Variants in MICAL3 observed in about 807,000 individuals in gnomAD.
The protein encoded by MICAL3 is [F-actin]-monooxygenase MICAL3.
In MICAL3, 62 loss-of-function variants were observed where a neutral mutation model predicts 207.4. That is an observed-to-expected ratio of 0.30 (90% CI 0.24 to 0.37). The LOEUF is 0.37. Ranked by LOEUF, MICAL3 falls within the 10% of genes least tolerant of loss-of-function variation. The pLI, the probability that MICAL3 is intolerant of heterozygous loss-of-function variation, is 1.00. For missense variants in MICAL3, 2,368 were observed against 2,635.6 expected (o/e 0.90, Z 2.22); for synonymous variants, 1,077 against 1,069.3 (o/e 1.01, Z -0.14).
At chr22:17,812,487 TGACAGGAACGA>T in intron 27 of MICAL3, 18 of 985,326 alleles carry the variant, frequency 1.8e-5, no homozygotes, top group Non-Finnish European at 2.2e-5. Context: ...GGTGACCAGC[TGACAGGAACGA>T]GACACTACCT....
At chr22:17,911,920 CG>C (rs1569130128) in intron 1 of MICAL3, among the ~76,000 whole-genome samples, 1 of 90,282 alleles carries the variant, frequency 1.1e-5, no homozygotes, top group African/African-American at 1.3e-4. Context: ...CAACATGCCT[CG>C]GGCTCCTGAT....
chr22:17,839,588 T>A (rs914180586), intron 20 of MICAL3: 2 of 145,304 alleles, frequency 1.4e-5, no homozygotes, highest in Non-Finnish European at 3.0e-5. Context: ...TTTTTTAAGA[T>A]GCAGTTTCGC....
chr22:17,883,897 C>T (rs1929639282), intron 16 of MICAL3, among the ~76,000 whole-genome samples: 1 of 152,182 alleles, frequency 6.6e-6, no homozygotes, highest in Non-Finnish European at 1.5e-5. Flanking sequence ...TCAGGCCTGA[C>T]ATACTCAGAA....
chr22:17,889,672 C>A (rs745632986), intron 12 of MICAL3, among the ~76,000 whole-genome samples: 1 of 151,978 alleles, frequency 6.6e-6, no homozygotes, highest in Admixed American at 6.6e-5. Flanking sequence ...CTAGGCATGG[C>A]GGCATATGCC....
chr22:17,887,177 G>A lies in MICAL3; in HGVS notation c.2060C>T (p.Ser687Leu). 10 of 1,613,378 alleles carry A rather than the reference G, an allele frequency of 6.2e-6. No individual in the cohort carries two copies. The highest frequency in any genetic ancestry group is 8.5e-6 in the Non-Finnish European group (10 of 1,179,534). Reference sequence around the variant, plus strand: ...TCCCCAAGTGAATCTCACCTCCTCTGATTGACTGGTCTTTCTCCTCTTCCC... The same window carrying A: ...TCCCCAAGTGAATCTCACCTCCTCTAATTGACTGGTCTTTCTCCTCTTCCC... ...GAGKRRKTSQ[S>L]EEEEAPRGHR... The change falls in exon 15 of 32, where the codon TCA becomes TTA. Residue 687 changes from serine to leucine, a missense_variant. By Grantham distance (145) the Ser-to-Leu change is moderately radical. Around this residue, in one of 4 missense-constraint regions of MICAL3, gnomAD observed 1,770 missense variants for 1,863.2 expected, o/e 0.95. Coordinates refer to ENST00000441493, the MANE Select transcript of MICAL3 (RefSeq NM_015241.3).
chr22:17,794,362 C>A (rs781684624), intron 29 of MICAL3, among the ~76,000 whole-genome samples: 47 of 152,242 alleles, frequency 3.1e-4, no homozygotes, highest in Non-Finnish European at 4.4e-4. Flanking sequence ...CCCAGACCCA[C>A]GTGGAATCCT....
chr22:17,827,960 T>C (rs537738726), intron 21 of MICAL3, among the ~76,000 whole-genome samples, 179 bp from the exon 22 acceptor site: 14 of 145,090 alleles, frequency 9.6e-5, no homozygotes, highest in South Asian at 6.4e-4. Flanking sequence ...CACAGACGCA[T>C]GGACACACAG....
At chr22:17,874,066 C>A (rs1469140443) in intron 16 of MICAL3, among the ~76,000 whole-genome samples, 1 of 152,194 alleles carries the variant, frequency 6.6e-6, no homozygotes, top group Non-Finnish European at 1.5e-5. Flanking sequence ...AAGCACCGGG[C>A]AGGGGGAAGC....
At chr22:17,943,984 A>C (rs1260876995) in intron 1 of MICAL3, among the ~76,000 whole-genome samples, 2 of 152,040 alleles carry the variant, frequency 1.3e-5, no homozygotes, top group East Asian at 3.8e-4. Flanking sequence ...ATGCACCTGC[A>C]CTCCTGCCCC....
chr22:17,980,839 G>T, intron 1 of MICAL3: 1 of 513,402 alleles, frequency 1.9e-6, no homozygotes. Flanking sequence ...GGCTGTGCTG[G>T]CCCGTCACCC....
chr22:17,864,797 A>C, intron 19 of MICAL3, 102 bp downstream of exon 19: 1 of 1,613,964 alleles, frequency 6.2e-7, no homozygotes, highest in East Asian at 2.2e-5. Flanking sequence ...TGTTGCCCGA[A>C]TGAAGAAATG....
intron 22 of MICAL3, 69 bp from the exon 23 acceptor site, chr22:17,823,129 G>T: frequency 9.4e-7 from 1 of 1,060,184 alleles, no homozygotes; most frequent in Non-Finnish European, 1.5e-6. Context: ...TCTTCACGGG[G>T]GCGAGAGGTA....
chr22:17,898,625 T>A, intron 7 of MICAL3, among the ~76,000 whole-genome samples: 1 of 152,232 alleles, frequency 6.6e-6, no homozygotes, highest in East Asian at 1.9e-4. Context: ...CAGGCCTGAA[T>A]CAGCACAACT....
At chr22:17,811,777 CATT>C (rs935151615) in intron 27 of MICAL3, among the ~76,000 whole-genome samples, 3 of 152,328 alleles carry the variant, frequency 2.0e-5, no homozygotes, top group African/African-American at 7.2e-5. Flanking sequence ...GAGAGGGTCT[CATT>C]GTCACCCAGG....
intron 1 of MICAL3, among the ~76,000 whole-genome samples, chr22:17,914,096 T>C (rs1932318624): frequency 6.6e-6 from 1 of 152,156 alleles, no homozygotes; most frequent in South Asian, 2.1e-4. Context: ...CAGCAGTTTA[T>C]CAATAAACTC....
At chr22:17,892,575 T>C (rs1930479186) in intron 11 of MICAL3, among the ~76,000 whole-genome samples, 1 of 152,224 alleles carries the variant, frequency 6.6e-6, no homozygotes, top group Admixed American at 6.5e-5. Flanking sequence ...TGCCATCTCT[T>C]GGCTCAGAAA....
intron 2 of MICAL3, among the ~76,000 whole-genome samples, chr22:17,905,662 A>G (rs1428155608): frequency 1.3e-5 from 2 of 152,236 alleles, no homozygotes; most frequent in South Asian, 2.1e-4. Context: ...GTGAAAGAAC[A>G]TAACGTAGCC....
chr22:17,816,505 C>T (rs868186068), intron 27 of MICAL3, among the ~76,000 whole-genome samples, 185 bp downstream of exon 27: 7 of 152,360 alleles, frequency 4.6e-5, no homozygotes, highest in Middle Eastern at 3.4e-3. Flanking sequence ...GGCCCTAGCT[C>T]CCATGTAGAA....
chr22:17,864,528 G>A (rs1297237751), intron 19 of MICAL3: 4 of 1,436,078 alleles, frequency 2.8e-6, no homozygotes, highest in East Asian at 2.5e-5. Context: ...GGTGATGGGA[G>A]CAGTGTCTGA....
Sources: gnomAD v4.1 joint callset for allele counts (sites outside exome capture counted in the v4.1 genomes callset) on GRCh38, gnomAD v4.1.1 for gene constraint, gnomAD v4.1.1 regional missense constraint, MANE v1.5 for transcripts, NCBI Gene and HGNC (gene_info 2026-07-23, HGNC 2026-07-21) for gene names.